AVPI1: variants seen among roughly 807,000 people sequenced by gnomAD.
AVPI1 encodes arginine vasopressin-induced protein 1.
In AVPI1, 9 loss-of-function variants were observed where a neutral mutation model predicts 11.9. The observed-to-expected ratio is 0.76, with a 90% CI of 0.46 to 1.32. The LOEUF is 1.32. AVPI1 is among the 40% of genes most tolerant of loss of function. The pLI, the probability that AVPI1 is intolerant of heterozygous loss-of-function variation, is 0.00. For synonymous variants in AVPI1, 68 were observed against 78.1 expected (o/e 0.87, Z 0.68); for missense variants, 207 against 195.8 (o/e 1.06, Z -0.34).
chr10:97,678,723 G>C (rs2041679676), intron 2 of AVPI1, among the ~76,000 whole-genome samples: 1 of 151,552 alleles, frequency 6.6e-6, no homozygotes, highest in Non-Finnish European at 1.5e-5. Flanking sequence ...CTGTCACTCA[G>C]GTCACTCAGG....
chr10:97,678,973 G>C (rs1734149579), intron 2 of AVPI1, among the ~76,000 whole-genome samples: 10 of 106,264 alleles, frequency 9.4e-5, no homozygotes, highest in East Asian at 7.8e-4. Flanking sequence ...GTGTGTGTGT[G>C]TGTGTGTGTG....
chr10:97,680,605 C>A (rs989143478), intron 1 of AVPI1, among the ~76,000 whole-genome samples: 1 of 152,164 alleles, frequency 6.6e-6, no homozygotes, highest in African/African-American at 2.4e-5. Context: ...CCTCCCGTGT[C>A]AAATTATCAC....
intron 2 of AVPI1, among the ~76,000 whole-genome samples, chr10:97,678,940 T>TTTTCAGA (rs1564779855): frequency 4.8e-5 from 2 of 41,592 alleles, no homozygotes; most frequent in Non-Finnish European, 9.8e-5. Flanking sequence ...TGTGTGTGTG[T>TTTTCAGA]GTGTGTGTGT....
intron 2 of AVPI1, among the ~76,000 whole-genome samples, chr10:97,678,880 G>GGTGTGTGTGTGTGT: frequency 8.8e-6 from 1 of 113,444 alleles, no homozygotes; most frequent in African/African-American, 3.5e-5. Flanking sequence ...GCGGGGGGAG[G>GGTGTGTGTGTGTGT]GTGTGTGTGT....
At chr10:97,681,601 G>A (rs2041704172) in intron 1 of AVPI1, among the ~76,000 whole-genome samples, 1 of 151,920 alleles carries the variant, frequency 6.6e-6, no homozygotes, top group African/African-American at 2.4e-5. Flanking sequence ...GAATACGGCC[G>A]GGCGCGGTGG....
Position 97,678,004 on chromosome 10 carries a change from T to C in AVPI1, c.309A>G (p.Ala103=). The change falls in exon 3 of 3, where the codon GCA becomes GCG. Residue 103 remains alanine, a synonymous_variant. Transcript: ENST00000370626. The part of the protein sequence containing the change: ...SRLRILEPHS[A]LANPQSATET... ...CTGTGGCACTCTGTGGGTTGGCCAGTGCAGAGTGGGGCTCCAGGATTCTGC... is the reference window on the plus strand; with the variant it reads ...CTGTGGCACTCTGTGGGTTGGCCAGCGCAGAGTGGGGCTCCAGGATTCTGC... 6.2e-7 allele frequency: 1 copy of C among 1,614,150 alleles called. No homozygotes were observed. The highest frequency in any genetic ancestry group is 8.5e-7 in the Non-Finnish European group (1 of 1,179,984).
chr10:97,679,636 G>GTGTA lies in AVPI1; in HGVS notation c.266_269dup (p.His91ThrfsTer28). The GTGTA allele has an allele frequency of 6.2e-7, 1 of 1,612,812 alleles. No individual in the cohort carries two copies. Among genetic ancestry groups the GTGTA allele is most frequent in the Non-Finnish European group, 8.5e-7 (1 of 1,179,464 alleles). ...GAACCTACCTGAGGCGGCTGCAGTG[G>GTGTA]TGTAGCGAGTGGCCCAGGGGTTTCT... On this transcript the variant is annotated frameshift_variant, in exon 2 of 3. Transcript: ENST00000370626. LOFTEE classifies it high-confidence loss of function.
chr10:97,681,522 C>A (rs1001795858), intron 1 of AVPI1, among the ~76,000 whole-genome samples: 2 of 150,808 alleles, frequency 1.3e-5, no homozygotes, highest in Admixed American at 1.3e-4. Flanking sequence ...GCAGAGGTTG[C>A]GGTGAGCCGA....
chr10:97,680,300 T>C (rs1243351896), intron 1 of AVPI1, among the ~76,000 whole-genome samples: 1 of 152,198 alleles, frequency 6.6e-6, no homozygotes, highest in Non-Finnish European at 1.5e-5. Flanking sequence ...TGAGTACTTA[T>C]ACCAGGCACC....
Position 97,677,743 on chromosome 10 carries a change from T to G in AVPI1, c.*126A>C, listed in dbSNP as rs2041672875. The G allele has an allele frequency of 8.8e-7, 1 of 1,135,184 alleles. No individual in the cohort carries two copies. Among genetic ancestry groups the G allele is most frequent in the Non-Finnish European group, 1.3e-6 (1 of 797,096 alleles). The allele number at this position is 1,135,184 out of a possible 1,614,324, so 70.3% of individuals were successfully genotyped here. A position where few individuals can be genotyped will look rare whatever the true frequency, so the allele number is the denominator to read the frequency against. On this transcript the variant is annotated 3_prime_UTR_variant, in exon 3 of 3. Coordinates refer to ENST00000370626, the MANE Select transcript of AVPI1 (RefSeq NM_021732.3). ...CCAGTCTTGTTCTGAATGGAGCAGG[T>G]CAGTGGCAGCAGCCTCTTGCTTTCA...
intron 1 of AVPI1, among the ~76,000 whole-genome samples, chr10:97,682,922 G>A (rs933063568): frequency 6.6e-6 from 1 of 152,166 alleles, no homozygotes; most frequent in Non-Finnish European, 1.5e-5. Context: ...ACTGTGACAA[G>A]AAGACAACAG....
At position 97,686,963 on chromosome 10, in the gene AVPI1, A is replaced by G. The variant is rs561142089; in HGVS notation, c.-208T>C. On this transcript the variant is annotated 5_prime_UTR_variant, in exon 1 of 3. Coordinates refer to ENST00000370626, the MANE Select transcript of AVPI1 (RefSeq NM_021732.3). ...GCCGAGGTCCTAAGGCGACATCTGC[A>G]GCACGAGGAGGCCCCGGGACTCAGA... 13 of 152,516 alleles carry G rather than the reference A, an allele frequency of 8.5e-5. No individual in the cohort carries two copies. The highest frequency in any genetic ancestry group is 2.6e-4 in the African/African-American group (11 of 41,600). 9.4% of individuals were successfully genotyped at this position (152,516 alleles called of 1,614,324 possible). A position where few individuals can be genotyped will look rare whatever the true frequency, so the allele number is the denominator to read the frequency against.
chr10:97,682,293 A>AG (rs1305659378), intron 1 of AVPI1, among the ~76,000 whole-genome samples: 1 of 152,198 alleles, frequency 6.6e-6, no homozygotes, highest in Non-Finnish European at 1.5e-5. Flanking sequence ...CCTGCTGGGG[A>AG]GAGGAGGAGC....
chr10:97,681,734 C>T (rs1249237677), intron 1 of AVPI1, among the ~76,000 whole-genome samples: 2 of 147,088 alleles, frequency 1.4e-5, no homozygotes, highest in Non-Finnish European at 3.0e-5. Context: ...AAAAATTAGC[C>T]GGGCGCGGTG....
chr10:97,684,794 C>G (rs1323650950), intron 1 of AVPI1, among the ~76,000 whole-genome samples: 1 of 152,066 alleles, frequency 6.6e-6, no homozygotes, highest in Non-Finnish European at 1.5e-5. Context: ...GCCACCATGA[C>G]CGGCCAAGCC....
chr10:97,679,499 C>A lies in AVPI1; in HGVS notation c.287+120G>T. The A allele has an allele frequency of 4.7e-6, 6 of 1,268,788 alleles. 1 individual carries two copies. In the South Asian group the frequency reaches 9.3e-5, roughly 20 times the overall value. The allele number at this position is 1,268,788 out of a possible 1,614,324, so 78.6% of individuals were successfully genotyped here. A position where few individuals can be genotyped will look rare whatever the true frequency, so the allele number is the denominator to read the frequency against. The stretch of plus-strand genomic sequence containing the variant: ...GACACTGTGTAGACCTTATAACCAC[C>A]CCAATGGTGGGCAGGCACTTTACAG... On this transcript the variant is annotated intron_variant, in intron 2 of 2. Transcript: ENST00000370626.
chr10:97,678,719 C>T (rs567397146), intron 2 of AVPI1, among the ~76,000 whole-genome samples: 1 of 151,688 alleles, frequency 6.6e-6, no homozygotes, highest in Admixed American at 6.6e-5. Context: ...CACTCTGTCA[C>T]TCAGGTCACT....
Position 97,677,782 on chromosome 10 carries a change from G to A in AVPI1, c.*87C>T, listed in dbSNP as rs2041673239. Reference sequence around the variant, plus strand: ...CTCTTGCTTTCATTTACCCCTTTGGGCTGCTTGCCTAAAGTCTCTCTTCCT... The same window carrying A: ...CTCTTGCTTTCATTTACCCCTTTGGACTGCTTGCCTAAAGTCTCTCTTCCT... On this transcript the variant is annotated 3_prime_UTR_variant, in exon 3 of 3. Coordinates refer to ENST00000370626, the MANE Select transcript of AVPI1 (RefSeq NM_021732.3). 1 of 1,533,188 alleles carries A rather than the reference G, an allele frequency of 6.5e-7. No individual in the cohort carries two copies. Among genetic ancestry groups the A allele is most frequent in the South Asian group, 1.2e-5 (1 of 81,376 alleles). 95.0% of individuals were successfully genotyped at this position (1,533,188 alleles called of 1,614,324 possible). A position where few individuals can be genotyped will look rare whatever the true frequency, so the allele number is the denominator to read the frequency against.
Position 97,677,920 on chromosome 10 carries a change from C to G in AVPI1, c.393G>C (p.Arg131=). 6.2e-7 allele frequency: 1 copy of G among 1,614,164 alleles called. No homozygotes were observed. The highest frequency in any genetic ancestry group is 8.5e-7 in the Non-Finnish European group (1 of 1,180,034). ...TTGTGGGGCCTGACTTCCTCCAGTTCCGGCGGATCCTGGCACTTTTCTTCC... is the reference window on the plus strand; with the variant it reads ...TTGTGGGGCCTGACTTCCTCCAGTTGCGGCGGATCCTGGCACTTTTCTTCC... ...HSRKKSARIR[R]NWRKSGPTSY... The change falls in exon 3 of 3, where the codon CGG becomes CGC. Residue 131 remains arginine (R), a synonymous_variant. Transcript: ENST00000370626.
Sources: gnomAD v4.1 joint callset for allele counts (sites outside exome capture counted in the v4.1 genomes callset) on GRCh38, gnomAD v4.1.1 for gene constraint, MANE v1.5 for transcripts, NCBI Gene and HGNC (gene_info 2026-07-23, HGNC 2026-07-21) for gene names.